The following SGCZ variants were observed in gnomAD, a reference collection of about 807,000 sequenced individuals.
SGCZ encodes zeta-sarcoglycan.
SGCZ carries 40 observed loss-of-function variants against 41.3 expected under a neutral mutation model. That is an observed-to-expected ratio of 0.97 (90% CI 0.75 to 1.26). SGCZ has a LOEUF of 1.26. SGCZ is among the 50% of genes most tolerant of loss of function. The pLI is 0.00. For synonymous variants in SGCZ, 206 were observed against 137.5 expected, an observed-to-expected ratio of 1.50 and a Z score of -3.49; for missense variants, 552 against 369.8, an observed-to-expected ratio of 1.49 and a Z score of -4.04.
intron 2 of SGCZ, among the ~76,000 whole-genome samples, chr8:14,450,318 A>G (rs899859070): frequency 2.1e-5 from 3 of 143,334 alleles, no homozygotes; most frequent in African/African-American, 7.3e-5. Flanking sequence ...TCCTGCAAGT[A>G]TTGCGGTATG....
chr8:14,650,508 C>A (rs963808680), intron 1 of SGCZ, among the ~76,000 whole-genome samples: 1 of 151,940 alleles, frequency 6.6e-6, no homozygotes, highest in African/African-American at 2.4e-5. Flanking sequence ...CCTCCTCCCA[C>A]CCCTGACCCT....
At chr8:14,309,130 C>T (rs1801441561) in intron 3 of SGCZ, 1 of 1,465,176 alleles carries the variant, frequency 6.8e-7, no homozygotes, top group African/African-American at 1.4e-5. Context: ...TTAAACATCC[C>T]CTACAGAACA....
chr8:14,351,197 T>C (rs1473145982), intron 2 of SGCZ, among the ~76,000 whole-genome samples: 1 of 152,218 alleles, frequency 6.6e-6, no homozygotes, highest in African/African-American at 2.4e-5. Context: ...TTCTTATTAC[T>C]GGTATTACCG....
chr8:14,387,642 T>C (rs1315712839), intron 2 of SGCZ, among the ~76,000 whole-genome samples: 1 of 152,116 alleles, frequency 6.6e-6, no homozygotes, highest in Non-Finnish European at 1.5e-5. Context: ...TTTTATATTT[T>C]TGGATGGCAC....
At chr8:14,683,930 C>T (rs1585180245) in intron 1 of SGCZ, among the ~76,000 whole-genome samples, 1 of 152,062 alleles carries the variant, frequency 6.6e-6, no homozygotes, top group South Asian at 2.1e-4. Flanking sequence ...CATGATTTTT[C>T]ACATTTTAAA....
At position 14,836,126 on chromosome 8, in the gene SGCZ, C is replaced by A. The variant is rs528320092; in HGVS notation, c.40-281200G>T. 5.3e-5 allele frequency among the ~76,000 whole-genome samples: 8 copies of A among 152,130 alleles called. No homozygotes were observed. In the South Asian group the frequency reaches 1.7e-3, roughly 32 times the overall value. ...CCCATCATTTTTACTGCCTCCCCCA[C>A]ACCTCCCCTCCCACCTGATCATCAG... On this transcript the variant is annotated intron_variant, in intron 1 of 7. Transcript: ENST00000382080.
chr8:14,577,602 G>T (rs1385534469), intron 1 of SGCZ, among the ~76,000 whole-genome samples: 1 of 151,906 alleles, frequency 6.6e-6, no homozygotes, highest in Non-Finnish European at 1.5e-5. Flanking sequence ...TGGCCAGGCT[G>T]GTCTCCAAGT....
chr8:14,275,520 T>C (rs12679233), intron 3 of SGCZ, among the ~76,000 whole-genome samples: 32,808 of 152,062 alleles, frequency 0.22, 3,728 homozygotes, highest in East Asian at 0.3. Flanking sequence ...CACTCAGCAC[T>C]TCTACTCTTC....
At chr8:14,182,781 G>A (rs1420653881) in intron 4 of SGCZ, among the ~76,000 whole-genome samples, 1 of 151,966 alleles carries the variant, frequency 6.6e-6, no homozygotes, top group South Asian at 2.1e-4. Flanking sequence ...GGCCGAGAGG[G>A]GGCGGATCAC....
Position 14,477,583 on chromosome 8 carries a change from C to CT in SGCZ, c.234+77148dup, listed in dbSNP as rs368872970. Reference sequence around the variant, plus strand: ...TTCAGTAGTTTATCATCTACTAAATCTGTCTAAAACAATATATACAAAAGG... The same window carrying CT: ...TTCAGTAGTTTATCATCTACTAAATCTTGTCTAAAACAATATATACAAAAGG... On this transcript the variant is annotated intron_variant, in intron 2 of 7. Transcript: ENST00000382080. Among the ~76,000 whole-genome samples, 100 of 152,232 alleles carry CT rather than the reference C, an allele frequency of 6.6e-4. 1 individual carries two copies. Among genetic ancestry groups the CT allele is most frequent in the Admixed American group, 1.8e-3 (28 of 15,276 alleles).
intron 5 of SGCZ, among the ~76,000 whole-genome samples, chr8:14,142,447 C>T (rs906147437): frequency 8.5e-5 from 13 of 152,234 alleles, no homozygotes; most frequent in African/African-American, 3.1e-4. Flanking sequence ...GGAAAATACA[C>T]ACATGATGAT....
chr8:14,702,958 TA>T (rs1249018547), intron 1 of SGCZ, among the ~76,000 whole-genome samples: 2 of 141,744 alleles, frequency 1.4e-5, no homozygotes, highest in Non-Finnish European at 3.1e-5. Context: ...GATAGATAGA[TA>T]GATAGATAGA....
intron 2 of SGCZ, among the ~76,000 whole-genome samples, chr8:14,390,537 A>G (rs945754294): frequency 2.0e-5 from 3 of 151,960 alleles, no homozygotes; most frequent in African/African-American, 7.2e-5. Flanking sequence ...GAAAGTTCAA[A>G]TAAAAGAAAC....
At chr8:14,896,393 G>A (rs1585358324) in intron 1 of SGCZ, among the ~76,000 whole-genome samples, 1 of 152,102 alleles carries the variant, frequency 6.6e-6, no homozygotes, top group South Asian at 2.1e-4. Flanking sequence ...GTTACTGGGG[G>A]CAAATAATGA....
intron 1 of SGCZ, among the ~76,000 whole-genome samples, chr8:15,126,520 T>C (rs922746595): frequency 1.3e-5 from 2 of 152,094 alleles, no homozygotes; most frequent in African/African-American, 2.4e-5. Context: ...TTCTTGTGTG[T>C]TGGAGTAGAC....
At chr8:14,235,810 G>C (rs906470796) in intron 4 of SGCZ, among the ~76,000 whole-genome samples, 1 of 152,052 alleles carries the variant, frequency 6.6e-6, no homozygotes, top group Non-Finnish European at 1.5e-5. Flanking sequence ...TCAGCCTCCT[G>C]AGTAGCTGGG....
intron 3 of SGCZ, among the ~76,000 whole-genome samples, chr8:14,294,192 G>A (rs1449197276): frequency 2.0e-5 from 3 of 151,622 alleles, no homozygotes; most frequent in Non-Finnish European, 1.5e-5. Flanking sequence ...CCACTTATTT[G>A]GAAGTTTTTT....
intron 1 of SGCZ, among the ~76,000 whole-genome samples, chr8:15,219,817 C>A (rs1801531547): frequency 6.6e-6 from 1 of 152,114 alleles, no homozygotes; most frequent in Admixed American, 6.5e-5. Flanking sequence ...TTTTCCAAAG[C>A]AACTTTCATT....
intron 7 of SGCZ, among the ~76,000 whole-genome samples, chr8:14,094,103 C>A (rs921497266): frequency 6.6e-6 from 1 of 152,166 alleles, no homozygotes; most frequent in Admixed American, 6.6e-5. Context: ...TTCCATATAC[C>A]ATTCCCTGAC....
Sources: gnomAD v4.1 joint callset for allele counts (sites outside exome capture counted in the v4.1 genomes callset) on GRCh38, gnomAD v4.1.1 for gene constraint, MANE v1.5 for transcripts, NCBI Gene and HGNC (gene_info 2026-07-23, HGNC 2026-07-21) for gene names.